SNTG1: variants seen among roughly 807,000 people sequenced by gnomAD.
SNTG1 encodes the protein syntrophin gamma 1.
In SNTG1, 39 loss-of-function variants were observed where a neutral mutation model predicts 74.7. The ratio of observed to expected loss-of-function variants is 0.52; its 90% CI spans 0.40 to 0.68. SNTG1 has a LOEUF of 0.68. Among genes scored for constraint, SNTG1 ranks in the 30% least tolerant of loss-of-function variants. SNTG1 has a pLI of 0.00. For missense variants in SNTG1, 685 were observed against 609.5 expected (o/e 1.12, Z -1.30); for synonymous variants, 254 against 217.1 (o/e 1.17, Z -1.49).
At chr8:50,715,111 A>C (rs2095471974) in intron 17 of SNTG1, among the ~76,000 whole-genome samples, 3 of 152,320 alleles carry the variant, frequency 2.0e-5, no homozygotes, top group Admixed American at 6.5e-5. Flanking sequence ...GTTAGTAGTT[A>C]AAATAAGAAT....
chr8:50,004,483 C>G (rs1034003323), intron 1 of SNTG1, among the ~76,000 whole-genome samples: 1 of 152,054 alleles, frequency 6.6e-6, no homozygotes, highest in East Asian at 1.9e-4. Context: ...AACTCTGCAC[C>G]CAGCGTTGTG....
At chr8:50,337,986 G>A (rs946542377) in intron 2 of SNTG1, among the ~76,000 whole-genome samples, 21 of 151,844 alleles carry the variant, frequency 1.4e-4, no homozygotes, top group Non-Finnish European at 1.6e-4. Flanking sequence ...AATGCAAAAA[G>A]TTAGCCGGGC....
At chr8:50,240,904 G>C (rs1586813327) in intron 2 of SNTG1, among the ~76,000 whole-genome samples, 1 of 152,182 alleles carries the variant, frequency 6.6e-6, no homozygotes, top group African/African-American at 2.4e-5. Context: ...ATCTCAAGGT[G>C]ATGATTTATA....
intron 17 of SNTG1, among the ~76,000 whole-genome samples, chr8:50,743,181 CAGA>C (rs1164165379): frequency 2.6e-5 from 4 of 151,002 alleles, no homozygotes; most frequent in African/African-American, 4.9e-5. Flanking sequence ...ACACCAAAGC[CAGA>C]AGAAGATGCT....
chr8:50,675,488 CT>C (rs1002080538), intron 15 of SNTG1, among the ~76,000 whole-genome samples: 45 of 149,472 alleles, frequency 3.0e-4, no homozygotes, highest in Middle Eastern at 3.4e-3. Context: ...GCAACCCCTA[CT>C]TTTTTTTTTC....
intron 2 of SNTG1, among the ~76,000 whole-genome samples, chr8:50,388,399 C>A (rs1043296732): frequency 9.9e-5 from 15 of 152,086 alleles, no homozygotes; most frequent in Admixed American, 4.6e-4. Context: ...CATGGACTAC[C>A]AGTGTTCTTG....
At chr8:50,064,101 A>G (rs1051901305) in intron 1 of SNTG1, among the ~76,000 whole-genome samples, 3 of 152,242 alleles carry the variant, frequency 2.0e-5, no homozygotes, top group Non-Finnish European at 4.4e-5. Flanking sequence ...TTATAAGATT[A>G]AATATGGAAA....
At chr8:50,155,998 A>C (rs1352095473) in intron 1 of SNTG1, among the ~76,000 whole-genome samples, 1 of 152,066 alleles carries the variant, frequency 6.6e-6, no homozygotes, top group Non-Finnish European at 1.5e-5. Flanking sequence ...ACTATTCAGT[A>C]AAGAAAAAAA....
At chr8:50,545,094 G>T (rs1220804565) in intron 11 of SNTG1, among the ~76,000 whole-genome samples, 5 of 151,770 alleles carry the variant, frequency 3.3e-5, no homozygotes, top group Non-Finnish European at 5.9e-5. Flanking sequence ...ATTTAGCTTG[G>T]CTCAAATGTA....
intron 17 of SNTG1, among the ~76,000 whole-genome samples, chr8:50,743,378 C>T (rs578107348): frequency 1.8e-4 from 27 of 151,774 alleles, no homozygotes; most frequent in African/African-American, 6.5e-4. Context: ...AATACAACAC[C>T]TTAATAGAAT....
In SNTG1 at chr8:50,088,938, G is replaced by A. The variant is rs375165314; in HGVS notation, c.-102-83623G>A. On this transcript the variant is annotated intron_variant, in intron 1 of 18. Transcript: ENST00000642720. Reference sequence around the variant, plus strand: ...TTCATATGGAACCAAAAAAGAGCCCGCATGGCCAAGTCAATCCTAAGCCAA... The same window carrying A: ...TTCATATGGAACCAAAAAAGAGCCCACATGGCCAAGTCAATCCTAAGCCAA... Among the ~76,000 whole-genome samples, 511 of 151,208 alleles carry A rather than the reference G, an allele frequency of 3.4e-3. 3 individuals carry two copies. Among genetic ancestry groups the A allele is most frequent in the Non-Finnish European group, 5.7e-3 (387 of 67,766 alleles).
chr8:50,014,656 C>T (rs984829917), intron 1 of SNTG1, among the ~76,000 whole-genome samples: 5 of 152,022 alleles, frequency 3.3e-5, no homozygotes, highest in Non-Finnish European at 7.4e-5. Flanking sequence ...CATACAGATC[C>T]CCACGGCAAA....
At chr8:50,081,921 G>A (rs1318346534) in intron 1 of SNTG1, among the ~76,000 whole-genome samples, 1 of 152,162 alleles carries the variant, frequency 6.6e-6, no homozygotes, top group East Asian at 1.9e-4. Context: ...GTGAGCCATT[G>A]CACCCAGCCT....
At chr8:50,441,002 A>G (rs1437418292) in intron 5 of SNTG1, among the ~76,000 whole-genome samples, 1 of 152,222 alleles carries the variant, frequency 6.6e-6, no homozygotes, top group Non-Finnish European at 1.5e-5. Context: ...CCAGCTGGCC[A>G]TGCCCTACAC....
chr8:50,582,471 A>G (rs918517963), intron 12 of SNTG1, among the ~76,000 whole-genome samples: 2 of 152,152 alleles, frequency 1.3e-5, no homozygotes, highest in African/African-American at 4.8e-5. Context: ...AGTATCCTCT[A>G]TACTGATAGT....
At chr8:50,215,254 T>A (rs924273883) in intron 2 of SNTG1, among the ~76,000 whole-genome samples, 6 of 152,020 alleles carry the variant, frequency 3.9e-5, no homozygotes, top group African/African-American at 1.4e-4. Context: ...TTGATGTTTT[T>A]ATTTTTTTAT....
intron 2 of SNTG1, among the ~76,000 whole-genome samples, chr8:50,238,414 G>A (rs2086014348): frequency 6.6e-6 from 1 of 152,130 alleles, no homozygotes; most frequent in African/African-American, 2.4e-5. Flanking sequence ...TTCAATAAAC[G>A]ATGTTGGGAT....
chr8:49,945,755 GTCAGTTA>G (rs1809124126), intron 1 of SNTG1, among the ~76,000 whole-genome samples: 1 of 152,160 alleles, frequency 6.6e-6, no homozygotes, highest in African/African-American at 2.4e-5. Context: ...CTCTGCCTGT[GTCAGTTA>G]ACTCAAGGTC....
chr8:50,777,042 G>A (rs574170228), intron 18 of SNTG1, among the ~76,000 whole-genome samples: 2 of 151,816 alleles, frequency 1.3e-5, no homozygotes, highest in South Asian at 2.1e-4. Flanking sequence ...AGCTGACTAT[G>A]ATGTGTCTTG....
Sources: gnomAD v4.1 joint callset for allele counts (sites outside exome capture counted in the v4.1 genomes callset) on GRCh38, gnomAD v4.1.1 for gene constraint, MANE v1.5 for transcripts, NCBI Gene and HGNC (gene_info 2026-07-23, HGNC 2026-07-21) for gene names.